Variants in ATP10B observed in about 807,000 individuals in gnomAD.
ATP10B encodes the protein phospholipid-transporting ATPase VB.
ATP10B carries 122 observed loss-of-function variants against 141.2 expected under a neutral mutation model. The observed-to-expected ratio is 0.86, with a 90% confidence interval of 0.75 to 1.00. ATP10B has a LOEUF of 1.00. Ranked by LOEUF, ATP10B falls within the 50% of genes least tolerant of loss-of-function variation. The pLI is 0.00. For synonymous variants in ATP10B, 685 were observed against 692.0 expected (o/e 0.99, Z 0.16); for missense variants, 1,876 against 1,825.3 (o/e 1.03, Z -0.51).
the ATP10B span, among the ~76,000 whole-genome samples, chr5:160,884,474 T>TA: frequency 6.6e-6 from 1 of 152,170 alleles, no homozygotes; most frequent in Non-Finnish European, 1.5e-5. Flanking sequence ...ATTTTTCTTT[T>TA]TAAGTTTCCT....
chr5:160,778,985 A>C (rs1770532443), intron 2 of ATP10B, among the ~76,000 whole-genome samples: 1 of 152,186 alleles, frequency 6.6e-6, no homozygotes, highest in Admixed American at 6.5e-5. Context: ...ACCGTGGTAA[A>C]GAGGGAATGG....
chr5:160,822,145 G>A (rs187574690), intron 1 of ATP10B, among the ~76,000 whole-genome samples: 1 of 151,862 alleles, frequency 6.6e-6, no homozygotes, highest in South Asian at 2.1e-4. Context: ...AATATATAAG[G>A]AGCTCAAACA....
chr5:160,801,950 C>T (rs1772394879), intron 1 of ATP10B, among the ~76,000 whole-genome samples: 1 of 152,110 alleles, frequency 6.6e-6, no homozygotes, highest in South Asian at 2.1e-4. Context: ...AGAAGATCTT[C>T]CCAAGAAATA....
intron 3 of ATP10B, among the ~76,000 whole-genome samples, chr5:160,708,720 A>G (rs1765168256): frequency 6.6e-6 from 1 of 152,196 alleles, no homozygotes; most frequent in African/African-American, 2.4e-5. Context: ...AGTTTGAGTT[A>G]AATCTATTCC....
chr5:160,850,376 A>T (rs1753721714), intron 1 of ATP10B, among the ~76,000 whole-genome samples: 1 of 152,128 alleles, frequency 6.6e-6, no homozygotes, highest in African/African-American at 2.4e-5. Context: ...TTGAGCTGAG[A>T]TTGCGCCACT....
At chr5:160,876,757 C>G in the ATP10B span, among the ~76,000 whole-genome samples, 2 of 151,274 alleles carry the variant, frequency 1.3e-5, no homozygotes, top group African/African-American at 4.8e-5. Flanking sequence ...CTACAAACAC[C>G]TCTACGCAAA....
intron 1 of ATP10B, among the ~76,000 whole-genome samples, chr5:160,803,409 G>T (rs777968645): frequency 6.6e-6 from 1 of 152,178 alleles, no homozygotes; most frequent in African/African-American, 2.4e-5. Context: ...CAGGCACGGC[G>T]GCTCACACCT....
intron 8 of ATP10B, among the ~76,000 whole-genome samples, chr5:160,648,814 C>A (rs979198649): frequency 6.6e-6 from 1 of 152,018 alleles, no homozygotes; most frequent in Admixed American, 6.6e-5. Context: ...ATTCCAAAGT[C>A]CCTGTTCTTA....
chr5:160,758,752 G>A (rs1444601990), intron 2 of ATP10B, among the ~76,000 whole-genome samples: 1 of 152,180 alleles, frequency 6.6e-6, no homozygotes, highest in African/African-American at 2.4e-5. Context: ...GCAGGGTCAT[G>A]TTTTGGAACA....
In ATP10B at chr5:160,810,029, A is replaced by G. The variant is rs116109465; in HGVS notation, c.-575-24226T>C. On this transcript the variant is annotated intron_variant, in intron 1 of 25. Transcript: ENST00000327245. ...TTGTTGACCTGAAGTTGTACATAAT[A>G]TTTTGGATCTCTTGTTAACCTCTAC... Among the ~76,000 whole-genome samples the G allele has an allele frequency of 6.6e-3, 1,009 of 152,288 alleles. 7 individuals carry two copies. Among genetic ancestry groups the G allele is most frequent in the Non-Finnish European group, 1.0e-2 (680 of 68,006 alleles).
chr5:160,584,467 G>C (rs1219140139), intron 24 of ATP10B, among the ~76,000 whole-genome samples: 1 of 151,996 alleles, frequency 6.6e-6, no homozygotes, highest in Non-Finnish European at 1.5e-5. Context: ...GGCTGGAGCT[G>C]TTCCTATTTG....
chr5:160,672,842 G>T (rs900116620), intron 6 of ATP10B, among the ~76,000 whole-genome samples: 3 of 152,158 alleles, frequency 2.0e-5, no homozygotes, highest in Admixed American at 2.0e-4. Flanking sequence ...GGAGGAAGAG[G>T]GTTTTGGTGT....
intron 7 of ATP10B, among the ~76,000 whole-genome samples, chr5:160,655,293 T>C (rs1296501889): frequency 1.3e-5 from 2 of 152,132 alleles, no homozygotes; most frequent in African/African-American, 4.8e-5. Context: ...TTTAAATTTT[T>C]TTTTTTTGGC....
the ATP10B span, among the ~76,000 whole-genome samples, chr5:160,906,432 A>G: frequency 6.6e-5 from 10 of 152,306 alleles, no homozygotes; most frequent in African/African-American, 2.4e-4. Flanking sequence ...ACATTTTTCT[A>G]TAATCCTTCT....
chr5:160,645,759 T>C (rs1312548825), intron 8 of ATP10B, among the ~76,000 whole-genome samples: 1 of 152,222 alleles, frequency 6.6e-6, no homozygotes, highest in Non-Finnish European at 1.5e-5. Flanking sequence ...CTCTTAGAGC[T>C]CTTTTTTAAA....
chr5:160,900,952 T>C, the ATP10B span, among the ~76,000 whole-genome samples: 2 of 145,344 alleles, frequency 1.4e-5, no homozygotes, highest in African/African-American at 5.0e-5. Context: ...ATAATCTCGG[T>C]TCTTTCTGAC....
At chr5:160,830,755 G>A (rs1297274799) in intron 1 of ATP10B, among the ~76,000 whole-genome samples, 1 of 151,960 alleles carries the variant, frequency 6.6e-6, no homozygotes, top group African/African-American at 2.4e-5. Flanking sequence ...AAGCTCTAGA[G>A]TAGAAATGAA....
At chr5:160,722,039 C>A (rs1766033581) in intron 2 of ATP10B, among the ~76,000 whole-genome samples, 1 of 152,116 alleles carries the variant, frequency 6.6e-6, no homozygotes, top group Non-Finnish European at 1.5e-5. Flanking sequence ...TGTGAGGATT[C>A]CATGAAATAA....
At chr5:160,879,763 A>C in the ATP10B span, among the ~76,000 whole-genome samples, 3 of 152,024 alleles carry the variant, frequency 2.0e-5, no homozygotes. Context: ...GCGTGAACCC[A>C]GGAGGTGGAG....
Sources: allele counts gnomAD v4.1 joint callset (sites outside exome capture counted in the v4.1 genomes callset), GRCh38; gene constraint gnomAD v4.1.1; transcripts MANE v1.5; gene names NCBI Gene and HGNC (gene_info 2026-07-23, HGNC 2026-07-21).